Variants in DAB1 observed in about 807,000 individuals in gnomAD.
The protein encoded by DAB1 is disabled homolog 1.
In DAB1, 15 loss-of-function variants were observed where a neutral mutation model predicts 64.6. The ratio of observed to expected loss-of-function variants is 0.23; its 90% CI spans 0.16 to 0.36. DAB1 has a LOEUF of 0.36. Among genes scored for constraint, DAB1 ranks in the 10% least tolerant of loss-of-function variants. The pLI, the probability that DAB1 is intolerant of heterozygous loss-of-function variation, is 1.00. For synonymous variants in DAB1, 235 were observed against 251.9 expected (o/e 0.93, Z 0.64); for missense variants, 596 against 706.7 (o/e 0.84, Z 1.78).
intron 2 of DAB1, among the ~76,000 whole-genome samples, chr1:57,279,694 C>T (rs903538253): frequency 6.6e-6 from 1 of 152,208 alleles, no homozygotes; most frequent in Non-Finnish European, 1.5e-5. Context: ...CCCACAGTCA[C>T]AAAGGGCTGA....
chr1:57,652,732 T>A (rs1646271496), intron 6 of DAB1, among the ~76,000 whole-genome samples: 1 of 152,232 alleles, frequency 6.6e-6, no homozygotes, highest in African/African-American at 2.4e-5. Flanking sequence ...CAACTCTGTT[T>A]CATTTATTTT....
intron 7 of DAB1, among the ~76,000 whole-genome samples, chr1:57,442,425 G>T (rs1483991107): frequency 6.6e-6 from 1 of 152,108 alleles, no homozygotes; most frequent in Non-Finnish European, 1.5e-5. Context: ...GAAAGAATTT[G>T]GCAACACTGC....
At chr1:57,127,727 A>G (rs1657262201) in intron 4 of DAB1, among the ~76,000 whole-genome samples, 1 of 152,224 alleles carries the variant, frequency 6.6e-6, no homozygotes, top group Non-Finnish European at 1.5e-5. Context: ...TTAGTCACCT[A>G]ATCTGTAAAA....
intron 2 of DAB1, among the ~76,000 whole-genome samples, chr1:57,178,862 T>TAA (rs11403221): frequency 4.0e-5 from 6 of 151,194 alleles, no homozygotes; most frequent in Admixed American, 6.6e-5. Context: ...TTAGGTGCTT[T>TAA]AAAAAAAAAG....
At chr1:57,906,429 A>G (rs1333348348) in intron 5 of DAB1, among the ~76,000 whole-genome samples, 1 of 152,192 alleles carries the variant, frequency 6.6e-6, no homozygotes, top group Admixed American at 6.5e-5. Flanking sequence ...GAACCACTAC[A>G]CAAACCCAGA....
At chr1:58,106,924 C>T (rs1651682693) in intron 5 of DAB1, among the ~76,000 whole-genome samples, 1 of 145,430 alleles carries the variant, frequency 6.9e-6, no homozygotes, top group South Asian at 2.2e-4. Context: ...TCCTCCTTTC[C>T]TTCCTTCCTT....
chr1:58,242,954 G>C (rs977612821), intron 4 of DAB1, among the ~76,000 whole-genome samples: 1 of 152,106 alleles, frequency 6.6e-6, no homozygotes, highest in Non-Finnish European at 1.5e-5. Flanking sequence ...CAAGCATATA[G>C]GAAGTGGAAA....
chr1:58,353,614 T>C (rs141987535), intron 3 of DAB1, among the ~76,000 whole-genome samples: 12 of 152,234 alleles, frequency 7.9e-5, no homozygotes, highest in African/African-American at 2.9e-4. Context: ...ACAAAACACA[T>C]ACTCAAAAAG....
chr1:57,877,692 CTGG>C (rs1644073286), intron 1 of DAB1, among the ~76,000 whole-genome samples: 1 of 82,334 alleles, frequency 1.2e-5, no homozygotes, highest in South Asian at 3.4e-4. Context: ...TCCCGAGTAG[CTGG>C]GACTACAGGC....
chr1:57,961,815 C>CA (rs577207863), intron 5 of DAB1, among the ~76,000 whole-genome samples: 37 of 147,854 alleles, frequency 2.5e-4, no homozygotes, highest in Middle Eastern at 3.5e-3. Context: ...CTAAAAAATA[C>CA]AAAAAAAAAA....
intron 4 of DAB1, among the ~76,000 whole-genome samples, chr1:58,313,309 G>A (rs1405918664): frequency 6.6e-6 from 1 of 152,134 alleles, no homozygotes; most frequent in African/African-American, 2.4e-5. Flanking sequence ...GCTAGTAGTA[G>A]GTGGGGCTCC....
intron 2 of DAB1, among the ~76,000 whole-genome samples, chr1:57,165,991 G>A (rs1203143656): frequency 6.6e-6 from 1 of 152,216 alleles, no homozygotes; most frequent in Non-Finnish European, 1.5e-5. Context: ...CAGCATTTCA[G>A]TGGAGGACTA....
At chr1:57,493,631 G>C (rs913200267) in intron 7 of DAB1, among the ~76,000 whole-genome samples, 1 of 152,048 alleles carries the variant, frequency 6.6e-6, no homozygotes, top group Admixed American at 6.6e-5. Context: ...ATATATTTCT[G>C]TCTATTCCCA....
chr1:57,831,079 A>AT (rs1482546108), intron 1 of DAB1, among the ~76,000 whole-genome samples: 1 of 151,982 alleles, frequency 6.6e-6, no homozygotes, highest in African/African-American at 2.4e-5. Flanking sequence ...ATGCTGGCTA[A>AT]TTTTTTGTAT....
chr1:57,925,426 G>A (rs1465492828), intron 5 of DAB1, among the ~76,000 whole-genome samples: 4 of 152,112 alleles, frequency 2.6e-5, no homozygotes, highest in Non-Finnish European at 4.4e-5. Context: ...CAGAATTTAT[G>A]GTAACATTGC....
At chr1:57,899,937 CTT>C (rs112202232) in intron 5 of DAB1, among the ~76,000 whole-genome samples, 10 of 146,018 alleles carry the variant, frequency 6.8e-5, no homozygotes, top group African/African-American at 2.5e-4. Flanking sequence ...TTATCTTTTT[CTT>C]TTTTTTTTTT....
At chr1:58,170,589 T>C (rs1336142864) in intron 4 of DAB1, among the ~76,000 whole-genome samples, 3 of 152,150 alleles carry the variant, frequency 2.0e-5, no homozygotes, top group South Asian at 2.1e-4. Flanking sequence ...GCCTTTGTCA[T>C]GGCCCTCAGA....
intron 1 of DAB1, chr1:58,542,615 T>A (rs2406786): frequency 0.98 from 148,904 of 152,332 alleles, 72,871 homozygotes; most frequent in East Asian, 1. Context: ...GGGAAAGTGT[T>A]TTAAGGTTTA....
At chr1:57,048,500 G>A (rs1258049444) in intron 9 of DAB1, among the ~76,000 whole-genome samples, 1 of 152,190 alleles carries the variant, frequency 6.6e-6, no homozygotes, top group African/African-American at 2.4e-5. Flanking sequence ...ATGAATTACA[G>A]AATAATGAAG....
Sources: gnomAD v4.1 joint callset for allele counts (sites outside exome capture counted in the v4.1 genomes callset) on GRCh38, gnomAD v4.1.1 for gene constraint, MANE v1.5 for transcripts, NCBI Gene and HGNC (gene_info 2026-07-23, HGNC 2026-07-21) for gene names.